Variants in PEX13 observed in about 807,000 individuals in gnomAD.
PEX13 encodes peroxisome biogenesis factor 13.
PEX13 carries 28 observed loss-of-function variants against 34.5 expected under a neutral mutation model. The observed-to-expected ratio is 0.81, with a 90% CI of 0.60 to 1.11. The LOEUF (loss-of-function observed/expected upper bound fraction) is 1.11, where lower values mean the gene tolerates loss of function less well. Ranked by LOEUF, PEX13 falls within the 50% of genes most tolerant of loss-of-function variation. The pLI is 0.00. For missense variants in PEX13, 550 were observed against 491.0 expected, an observed-to-expected ratio of 1.12 and a Z score of -1.13; for synonymous variants, 177 against 175.1, an observed-to-expected ratio of 1.01 and a Z score of -0.09.
Position 61,048,418 on chromosome 2 carries a change from T to C in PEX13, c.914-54T>C, listed in dbSNP as rs575692633. 10 of 1,423,442 alleles carry C rather than the reference T, an allele frequency of 7.0e-6. 1 individual carries two copies. The South Asian group carries it at 1.1e-4, about 16-fold the overall frequency. The allele number at this position is 1,423,442 out of a possible 1,614,324, so 88.2% of individuals were successfully genotyped here. On this transcript the variant is annotated intron_variant, in intron 3 of 3. Transcript: ENST00000295030. The stretch of plus-strand genomic sequence containing the variant: ...ATGTGATATTTTACCATTACTATTC[T>C]GTTGGACCTCCAAAGTATATTGTAA...
At chr2:61,030,806 A>G (rs1341621778) in intron 1 of PEX13, among the ~76,000 whole-genome samples, 1 of 152,210 alleles carries the variant, frequency 6.6e-6, no homozygotes, top group Non-Finnish European at 1.5e-5. Flanking sequence ...TGAAATGTCC[A>G]GAATAGACAA....
At chr2:61,037,633 A>C (rs995325246) in intron 2 of PEX13, among the ~76,000 whole-genome samples, 1 of 152,250 alleles carries the variant, frequency 6.6e-6, no homozygotes, top group Non-Finnish European at 1.5e-5. Flanking sequence ...AGGAAAATTT[A>C]TAGCACTAAA....
rs543434413 is a variant in PEX13, at chr2:61,039,398, T to C, written c.788-6328T>C. ...CATGGTGCTTGTACCAACACAAATA[T>C]ATAGACCAATGGAACAGAACAGAGG... On this transcript the variant is annotated intron_variant, in intron 2 of 3. Coordinates refer to ENST00000295030, the MANE Select transcript of PEX13 (RefSeq NM_002618.4). 3.8e-3 allele frequency among the ~76,000 whole-genome samples: 575 copies of C among 152,148 alleles called. 3 individuals are homozygous for C. Among genetic ancestry groups the C allele is most frequent in the African/African-American group, 0.013 (559 of 41,506 alleles).
intron 1 of PEX13, among the ~76,000 whole-genome samples, chr2:61,027,882 T>C (rs1338150857): frequency 6.6e-6 from 1 of 152,230 alleles, no homozygotes; most frequent in Admixed American, 6.5e-5. Context: ...TGTTCCATTT[T>C]TAAATATCAG....
rs960671709 is a variant in PEX13, at chr2:61,049,290, A to G, written c.*520A>G. On this transcript the variant is annotated 3_prime_UTR_variant, in exon 4 of 4. Coordinates refer to ENST00000295030, the MANE Select transcript of PEX13 (RefSeq NM_002618.4). The stretch of plus-strand genomic sequence containing the variant: ...TGTTGGGTTTATATTTTCACCCACA[A>G]ACAACTGACACTGCTATCTTTTACT... 2.0e-5 allele frequency: 3 copies of G among 153,786 alleles called. No individual in the cohort carries two copies. Among genetic ancestry groups the G allele is most frequent in the African/African-American group, 7.2e-5 (3 of 41,432 alleles). The allele number at this position is 153,786 out of a possible 1,614,324, so 9.5% of individuals were successfully genotyped here. A position where few individuals can be genotyped will look rare whatever the true frequency, so the allele number is the denominator to read the frequency against.
intron 1 of PEX13, chr2:61,018,505 G>A: frequency 2.1e-6 from 1 of 481,482 alleles, no homozygotes; most frequent in African/African-American, 2.0e-5. Context: ...AGTATCAGTT[G>A]GTTTCTAGGA....
chr2:61,025,458 G>C (rs976064697), intron 1 of PEX13, among the ~76,000 whole-genome samples: 7 of 151,900 alleles, frequency 4.6e-5, no homozygotes, highest in African/African-American at 1.7e-4. Context: ...ACCCAGGTTC[G>C]AGTGATTCTT....
chr2:61,021,239 G>A (rs1680255885), intron 1 of PEX13, among the ~76,000 whole-genome samples: 1 of 152,076 alleles, frequency 6.6e-6, no homozygotes, highest in East Asian at 1.9e-4. Flanking sequence ...GGAAGCGCAA[G>A]GGATTGGGGG....
intron 1 of PEX13, among the ~76,000 whole-genome samples, chr2:61,030,840 A>G (rs1559034641): frequency 6.6e-6 from 1 of 152,050 alleles, no homozygotes; most frequent in Non-Finnish European, 1.5e-5. Flanking sequence ...AGGTAGATTC[A>G]TGGTTGCCAA....
chr2:61,022,270 T>TA (rs1226664076), intron 1 of PEX13, among the ~76,000 whole-genome samples: 1 of 152,146 alleles, frequency 6.6e-6, no homozygotes, highest in African/African-American at 2.4e-5. Context: ...GCAAAGAAGC[T>TA]AAAAACCTTG....
At chr2:61,038,351 C>A (rs576851343) in intron 2 of PEX13, among the ~76,000 whole-genome samples, 3 of 152,324 alleles carry the variant, frequency 2.0e-5, no homozygotes, top group African/African-American at 7.2e-5. Context: ...ATGTAAAAAT[C>A]CTCAATAAAA....
At chr2:61,020,908 G>T (rs1215055189) in intron 1 of PEX13, among the ~76,000 whole-genome samples, 2 of 152,098 alleles carry the variant, frequency 1.3e-5, no homozygotes, top group Admixed American at 1.3e-4. Context: ...GCCCACCTAG[G>T]CCTCCCAAAG....
chr2:61,026,490 G>A (rs1680357545), intron 1 of PEX13, among the ~76,000 whole-genome samples: 1 of 151,768 alleles, frequency 6.6e-6, no homozygotes. Flanking sequence ...TGAGATTACA[G>A]GCGCCCACCA....
intron 1 of PEX13, among the ~76,000 whole-genome samples, chr2:61,019,313 T>TGTAAGA (rs1336500823): frequency 6.6e-6 from 1 of 152,138 alleles, no homozygotes; most frequent in Non-Finnish European, 1.5e-5. Flanking sequence ...CTTACCAATT[T>TGTAAGA]GTAAGAGTAT....
At chr2:61,040,243 T>C (rs1397333811) in intron 2 of PEX13, among the ~76,000 whole-genome samples, 1 of 152,072 alleles carries the variant, frequency 6.6e-6, no homozygotes, top group Admixed American at 6.6e-5. Flanking sequence ...TGGGTATATA[T>C]CCAAAGGATT....
At chr2:61,032,881 A>G (rs925440077) in intron 2 of PEX13, among the ~76,000 whole-genome samples, 1 of 152,222 alleles carries the variant, frequency 6.6e-6, no homozygotes, top group African/African-American at 2.4e-5. Flanking sequence ...ATATAGGCAG[A>G]AAATATGAGA....
At chr2:61,029,891 C>G (rs942545897) in intron 1 of PEX13, among the ~76,000 whole-genome samples, 2 of 151,432 alleles carry the variant, frequency 1.3e-5, no homozygotes, top group Non-Finnish European at 1.5e-5. Flanking sequence ...GTCATTATTT[C>G]CTAAACACTA....
At chr2:61,046,963 C>T (rs1221270742) in intron 3 of PEX13, among the ~76,000 whole-genome samples, 2 of 152,074 alleles carry the variant, frequency 1.3e-5, no homozygotes, top group Non-Finnish European at 2.9e-5. Context: ...AGTGTGTGCA[C>T]CTATAGTCCC....
intron 2 of PEX13, among the ~76,000 whole-genome samples, chr2:61,032,918 T>G (rs1057459920): frequency 1.3e-5 from 2 of 152,218 alleles, no homozygotes; most frequent in Non-Finnish European, 2.9e-5. Flanking sequence ...CCTATAGTAT[T>G]GCATTGGATC....
Sources: gnomAD v4.1 joint callset for allele counts (sites outside exome capture counted in the v4.1 genomes callset) on GRCh38, gnomAD v4.1.1 for gene constraint, MANE v1.5 for transcripts, NCBI Gene and HGNC (gene_info 2026-07-23, HGNC 2026-07-21) for gene names.